UNC13C: variants seen among roughly 807,000 people sequenced by gnomAD.
UNC13C encodes the protein unc-13 homolog C.
Under a neutral mutation model 245.4 loss-of-function variants are expected in UNC13C, and 174 were observed. That is an observed-to-expected ratio of 0.71 (90% CI 0.63 to 0.80). The LOEUF is 0.80. Ranked by LOEUF, UNC13C falls within the 30% of genes least tolerant of loss-of-function variation. UNC13C has a pLI of 0.00. For missense variants in UNC13C, 2,829 were observed against 2,602.9 expected, an observed-to-expected ratio of 1.09 and a Z score of -1.89; for synonymous variants, 992 against 895.1, an observed-to-expected ratio of 1.11 and a Z score of -1.93.
At chr15:54,509,400 G>T (rs987621855) in intron 23 of UNC13C, among the ~76,000 whole-genome samples, 11 of 151,992 alleles carry the variant, frequency 7.2e-5, no homozygotes, top group African/African-American at 2.4e-4. Context: ...ATCTAAATTA[G>T]AATTACTTTT....
chr15:54,459,574 G>T (rs777312733), intron 19 of UNC13C, among the ~76,000 whole-genome samples: 1 of 152,002 alleles, frequency 6.6e-6, no homozygotes, highest in Non-Finnish European at 1.5e-5. Context: ...AAATTTCTTG[G>T]AAGTTTTTTT....
chr15:54,222,493 A>G (rs919833501), intron 4 of UNC13C, among the ~76,000 whole-genome samples: 1 of 151,660 alleles, frequency 6.6e-6, no homozygotes. Flanking sequence ...TATTCATCTG[A>G]TGATGGACAT....
chr15:54,553,491 CATATA>C (rs1487743355), intron 28 of UNC13C, among the ~76,000 whole-genome samples: 2 of 134,270 alleles, frequency 1.5e-5, no homozygotes, highest in Non-Finnish European at 3.1e-5. Flanking sequence ...ATGTGTATTA[CATATA>C]ATATATATTA....
At chr15:54,385,546 G>A (rs1567230766) in intron 17 of UNC13C, among the ~76,000 whole-genome samples, 1 of 149,882 alleles carries the variant, frequency 6.7e-6, no homozygotes, top group East Asian at 2.0e-4. Flanking sequence ...GGAAAGGTGG[G>A]TTGTGGCGAG....
At chr15:54,321,013 G>A (rs549443483) in intron 13 of UNC13C, 26 of 443,028 alleles carry the variant, frequency 5.9e-5, no homozygotes, top group African/African-American at 4.4e-4. Context: ...AAGCCACACA[G>A]TCACTAACGT....
At chr15:54,136,733 T>C (rs2031754429) in intron 2 of UNC13C, among the ~76,000 whole-genome samples, 1 of 152,166 alleles carries the variant, frequency 6.6e-6, no homozygotes. Flanking sequence ...GATATCTGAT[T>C]TGCTAAGAGT....
chr15:53,959,954 C>G, the UNC13C span, among the ~76,000 whole-genome samples: 1 of 152,090 alleles, frequency 6.6e-6, no homozygotes, highest in Non-Finnish European at 1.5e-5. Context: ...ATGGGGTGAA[C>G]TAGGTAGAAG....
At chr15:54,292,744 A>G (rs1291044446) in intron 10 of UNC13C, among the ~76,000 whole-genome samples, 1 of 151,504 alleles carries the variant, frequency 6.6e-6, no homozygotes, top group Non-Finnish European at 1.5e-5. Context: ...AAGGTTCATA[A>G]CACTTAGAAT....
At chr15:54,582,858 G>A (rs1898268795) in intron 30 of UNC13C, among the ~76,000 whole-genome samples, 1 of 152,114 alleles carries the variant, frequency 6.6e-6, no homozygotes, top group African/African-American at 2.4e-5. Context: ...CTTAAGTAAT[G>A]TGCTACCATT....
intron 30 of UNC13C, among the ~76,000 whole-genome samples, chr15:54,582,172 T>C (rs1473122720): frequency 2.0e-5 from 3 of 152,050 alleles, no homozygotes; most frequent in African/African-American, 7.3e-5. Flanking sequence ...AGTATAGTAA[T>C]AGCAGGAATG....
At chr15:54,623,588 T>C (rs1209332525) in intron 31 of UNC13C, among the ~76,000 whole-genome samples, 1 of 152,192 alleles carries the variant, frequency 6.6e-6, no homozygotes, top group African/African-American at 2.4e-5. Flanking sequence ...AACTAACTTT[T>C]CACCAAAGCT....
chr15:53,904,914 G>A, the UNC13C span, among the ~76,000 whole-genome samples: 1 of 152,136 alleles, frequency 6.6e-6, no homozygotes, highest in Non-Finnish European at 1.5e-5. Context: ...GATGAGACAA[G>A]TGAATAAGAA....
At chr15:54,066,293 A>C (rs1898072586) in intron 2 of UNC13C, among the ~76,000 whole-genome samples, 1 of 152,230 alleles carries the variant, frequency 6.6e-6, no homozygotes, top group African/African-American at 2.4e-5. Context: ...ATAAGAGCTA[A>C]GAAATACAAG....
At chr15:54,560,596 A>G (rs1383644342) in intron 29 of UNC13C, among the ~76,000 whole-genome samples, 1 of 151,990 alleles carries the variant, frequency 6.6e-6, no homozygotes, top group African/African-American at 2.4e-5. Flanking sequence ...AGTGCTCCTT[A>G]TCACACATCC....
chr15:54,205,223 C>G (rs540189522), intron 4 of UNC13C, among the ~76,000 whole-genome samples: 1 of 148,448 alleles, frequency 6.7e-6, no homozygotes, highest in African/African-American at 2.5e-5. Context: ...AATCAAACAT[C>G]CACTCCTCTC....
intron 19 of UNC13C, among the ~76,000 whole-genome samples, chr15:54,444,333 T>G (rs927778188): frequency 2.6e-5 from 4 of 151,080 alleles, no homozygotes; most frequent in African/African-American, 9.7e-5. Context: ...TAATATGTCA[T>G]ATATAGTCAT....
At chr15:54,124,215 T>C (rs35796819) in intron 2 of UNC13C, among the ~76,000 whole-genome samples, 57,649 of 152,002 alleles carry the variant, frequency 0.38, 11,056 homozygotes, top group African/African-American at 0.41. Context: ...AATGCCTAAA[T>C]GTGTAATGGC....
chr15:54,091,611 T>C (rs889208656), intron 2 of UNC13C, among the ~76,000 whole-genome samples: 2 of 152,180 alleles, frequency 1.3e-5, no homozygotes, highest in Non-Finnish European at 2.9e-5. Context: ...ATAGATTTTA[T>C]ATTTTTATTC....
At chr15:54,243,604 G>C (rs930581051) in intron 7 of UNC13C, among the ~76,000 whole-genome samples, 2 of 138,082 alleles carry the variant, frequency 1.4e-5, no homozygotes, top group Admixed American at 7.0e-5. Context: ...ACAGTGTAAA[G>C]CATTCCTTTT....
Sources: gnomAD v4.1 joint callset for allele counts (sites outside exome capture counted in the v4.1 genomes callset) on GRCh38, gnomAD v4.1.1 for gene constraint, MANE v1.5 for transcripts, NCBI Gene and HGNC (gene_info 2026-07-23, HGNC 2026-07-21) for gene names.